Variants in ODAD2 observed in about 807,000 individuals in gnomAD.
ODAD2 encodes the protein outer dynein arm docking complex subunit 2.
Under a neutral mutation model 106.8 loss-of-function variants are expected in ODAD2, and 89 were observed. The ratio of observed to expected loss-of-function variants is 0.83; its 90% CI spans 0.70 to 0.99. The LOEUF is 0.99. Ranked by LOEUF, ODAD2 falls within the 50% of genes least tolerant of loss-of-function variation. The probability of loss-of-function intolerance (pLI) is 0.00; values close to 1 mark genes in which losing one functional copy is unlikely to be tolerated. For missense variants in ODAD2, 1,168 were observed against 1,238.5 expected (o/e 0.94, Z 0.85); for synonymous variants, 404 against 436.2 (o/e 0.93, Z 0.92).
chr10:27,838,505 CTAAG>C (rs1838071504), intron 19 of ODAD2, among the ~76,000 whole-genome samples: 1 of 152,174 alleles, frequency 6.6e-6, no homozygotes, highest in Non-Finnish European at 1.5e-5. Flanking sequence ...TGACTGCACT[CTAAG>C]TAACCAAACA....
At chr10:27,819,481 G>A (rs1311784378) in intron 19 of ODAD2, among the ~76,000 whole-genome samples, 1 of 148,230 alleles carries the variant, frequency 6.7e-6, no homozygotes, top group Non-Finnish European at 1.5e-5. Context: ...GTGGATGCCT[G>A]TAATCCCAGT....
At chr10:27,826,197 C>T (rs1837027613) in intron 19 of ODAD2, among the ~76,000 whole-genome samples, 1 of 152,144 alleles carries the variant, frequency 6.6e-6, no homozygotes, top group African/African-American at 2.4e-5. Flanking sequence ...AGTCTCCCTG[C>T]TCTGGTCCAC....
chr10:27,934,886 T>C (rs1034190548), intron 16 of ODAD2, 124 bp downstream of exon 16: 145 of 1,230,028 alleles, frequency 1.2e-4, no homozygotes, highest in Non-Finnish European at 1.5e-4. Flanking sequence ...TGATTATTTA[T>C]ATGACACACT....
At chr10:27,871,337 C>T (rs374293344) in intron 17 of ODAD2, among the ~76,000 whole-genome samples, 20 of 152,094 alleles carry the variant, frequency 1.3e-4, no homozygotes, top group South Asian at 8.3e-4. Flanking sequence ...TTTCTTTTGC[C>T]GTGCAGAAGC....
intron 17 of ODAD2, among the ~76,000 whole-genome samples, chr10:27,893,918 G>C (rs1842712171): frequency 6.6e-6 from 1 of 152,164 alleles, no homozygotes; most frequent in Non-Finnish European, 1.5e-5. Context: ...GGGAGGCCGA[G>C]GTGGGTGGAT....
chr10:27,938,462 G>A (rs1267370493), intron 14 of ODAD2, among the ~76,000 whole-genome samples: 2 of 152,124 alleles, frequency 1.3e-5, no homozygotes, highest in African/African-American at 2.4e-5. Context: ...GGTCTGAAAC[G>A]TCTAGCCTCT....
chr10:27,955,335 C>G (rs1312848430), intron 10 of ODAD2, among the ~76,000 whole-genome samples: 1 of 152,058 alleles, frequency 6.6e-6, no homozygotes, highest in Admixed American at 6.6e-5. Flanking sequence ...TGTTGACTCT[C>G]ACTCGAATGA....
intron 19 of ODAD2, among the ~76,000 whole-genome samples, chr10:27,812,848 C>T (rs1478988234): frequency 6.6e-6 from 1 of 152,218 alleles, no homozygotes; most frequent in Non-Finnish European, 1.5e-5. Context: ...TAGACTCCTT[C>T]CTCCCCACTT....
At chr10:27,912,561 A>G (rs1844084502) in intron 16 of ODAD2, among the ~76,000 whole-genome samples, 5 of 152,140 alleles carry the variant, frequency 3.3e-5, no homozygotes, top group Admixed American at 2.0e-4. Flanking sequence ...TTGTGCCCAT[A>G]CTGTGGGCAC....
chr10:27,920,543 A>G (rs1490642366), intron 16 of ODAD2, among the ~76,000 whole-genome samples: 1 of 152,214 alleles, frequency 6.6e-6, no homozygotes, highest in African/African-American at 2.4e-5. Context: ...GATTCGGAAG[A>G]TTAAATGATT....
chr10:27,948,099 C>T (rs574954080), intron 10 of ODAD2, among the ~76,000 whole-genome samples: 4 of 152,138 alleles, frequency 2.6e-5, no homozygotes, highest in African/African-American at 9.6e-5. Flanking sequence ...GAGTTTATAG[C>T]TTTTTGAAGT....
chr10:27,858,929 G>A (rs550466205), intron 19 of ODAD2, among the ~76,000 whole-genome samples: 359 of 150,936 alleles, frequency 2.4e-3, no homozygotes, highest in African/African-American at 8.4e-3. Context: ...TCAGCCTCCC[G>A]AGTAGCTGGG....
At chr10:27,865,719 T>C (rs1840389610) in intron 17 of ODAD2, among the ~76,000 whole-genome samples, 1 of 152,234 alleles carries the variant, frequency 6.6e-6, no homozygotes, top group African/African-American at 2.4e-5. Context: ...TTGAATTTGA[T>C]TGTTTGCAAA....
chr10:27,850,669 T>G (rs1470324845), intron 19 of ODAD2, among the ~76,000 whole-genome samples: 1 of 152,174 alleles, frequency 6.6e-6, no homozygotes, highest in Non-Finnish European at 1.5e-5. Context: ...AAGAAAAGAC[T>G]GCCTCATGTT....
At chr10:27,927,901 A>G (rs973517179) in intron 16 of ODAD2, among the ~76,000 whole-genome samples, 1 of 151,986 alleles carries the variant, frequency 6.6e-6, no homozygotes, top group African/African-American at 2.4e-5. Context: ...CCTCTTACAT[A>G]TATCCATGAC....
intron 17 of ODAD2, among the ~76,000 whole-genome samples, chr10:27,892,063 C>T (rs1842602540): frequency 1.3e-5 from 2 of 151,560 alleles, no homozygotes; most frequent in Non-Finnish European, 2.9e-5. Context: ...TTTGATCGTT[C>T]AGCTTGAAAG....
intron 10 of ODAD2, among the ~76,000 whole-genome samples, chr10:27,956,404 C>T (rs1393410125): frequency 1.3e-5 from 2 of 152,126 alleles, no homozygotes; most frequent in East Asian, 1.9e-4. Flanking sequence ...GCCCTAGAGG[C>T]CTCCATCATT....
At chr10:27,920,108 T>G (rs934455546) in intron 16 of ODAD2, among the ~76,000 whole-genome samples, 1 of 151,782 alleles carries the variant, frequency 6.6e-6, no homozygotes, top group Non-Finnish European at 1.5e-5. Context: ...AAAAAAGAGA[T>G]ATCCCCAGAG....
chr10:27,822,511 T>G (rs1388777043), intron 19 of ODAD2, among the ~76,000 whole-genome samples: 1 of 151,514 alleles, frequency 6.6e-6, no homozygotes, highest in East Asian at 1.9e-4. Flanking sequence ...CACAACCCAG[T>G]AACAAGAAAT....
Sources: gnomAD v4.1 joint callset for allele counts (sites outside exome capture counted in the v4.1 genomes callset) on GRCh38, gnomAD v4.1.1 for gene constraint, MANE v1.5 for transcripts, NCBI Gene and HGNC (gene_info 2026-07-23, HGNC 2026-07-21) for gene names.